RBPJ: variants seen among roughly 807,000 people sequenced by gnomAD.
RBPJ encodes recombining binding protein suppressor of hairless.
In RBPJ, 9 loss-of-function variants were observed where a neutral mutation model predicts 67.8. The ratio of observed to expected loss-of-function variants is 0.13; its 90% CI spans 0.08 to 0.23. The LOEUF (loss-of-function observed/expected upper bound fraction) is 0.23, where lower values mean the gene tolerates loss of function less well. Among genes scored for constraint, RBPJ ranks in the 10% least tolerant of loss-of-function variants. The probability of loss-of-function intolerance (pLI) is 1.00; values close to 1 mark genes in which losing one functional copy is unlikely to be tolerated. For missense variants in RBPJ, 305 were observed against 595.6 expected (o/e 0.51, Z 5.08); for synonymous variants, 198 against 203.3 (o/e 0.97, Z 0.22).
intron 1 of RBPJ, among the ~76,000 whole-genome samples, chr4:26,298,108 G>A (rs1721947433): frequency 6.6e-6 from 1 of 152,072 alleles, no homozygotes; most frequent in East Asian, 1.9e-4. Flanking sequence ...GAATGCCGTA[G>A]GCCATTTTGA....
intron 1 of RBPJ, among the ~76,000 whole-genome samples, chr4:26,169,847 C>T (rs559904356): frequency 1.3e-5 from 2 of 152,172 alleles, no homozygotes; most frequent in African/African-American, 4.8e-5. Flanking sequence ...TAGCAATCAG[C>T]GAGACTCCGT....
intron 1 of RBPJ, among the ~76,000 whole-genome samples, chr4:26,313,359 C>T (rs1327047185): frequency 6.6e-6 from 1 of 152,052 alleles, no homozygotes; most frequent in African/African-American, 2.4e-5. Flanking sequence ...GGGAGAAACG[C>T]CATCTCTACT....
chr4:26,324,550 A>G (rs1723423589), intron 1 of RBPJ, among the ~76,000 whole-genome samples: 1 of 151,946 alleles, frequency 6.6e-6, no homozygotes, highest in South Asian at 2.1e-4. Flanking sequence ...TTATTTTTTG[A>G]GACAGGGTCT....
intron 4 of RBPJ, among the ~76,000 whole-genome samples, chr4:26,416,366 A>C (rs1247835394): frequency 6.6e-6 from 1 of 152,092 alleles, no homozygotes; most frequent in Non-Finnish European, 1.5e-5. Context: ...TAGCGGGACC[A>C]TAGGTGTGTG....
At chr4:26,420,750 C>A in intron 5 of RBPJ, 25 bp downstream of exon 5, 1 of 1,542,676 alleles carries the variant, frequency 6.5e-7, no homozygotes, top group Admixed American at 2.0e-5. Flanking sequence ...CTTATTTATC[C>A]CCAACTGCCA....
the RBPJ span, among the ~76,000 whole-genome samples, chr4:26,125,672 G>T: frequency 6.6e-6 from 1 of 152,054 alleles, no homozygotes; most frequent in African/African-American, 2.4e-5. Context: ...GGTGGTGCAT[G>T]CCTGTAATCC....
chr4:26,390,952 G>A (rs1731436969), intron 2 of RBPJ, among the ~76,000 whole-genome samples: 1 of 152,274 alleles, frequency 6.6e-6, no homozygotes, highest in Admixed American at 6.5e-5. Flanking sequence ...GCTACATTGG[G>A]AAGCTGAGGC....
At chr4:26,325,050 A>G (rs1213800037) in intron 1 of RBPJ, among the ~76,000 whole-genome samples, 2 of 152,180 alleles carry the variant, frequency 1.3e-5, no homozygotes, top group Non-Finnish European at 2.9e-5. Flanking sequence ...GTAGATACGT[A>G]TTGACTGAAT....
chr4:26,361,891 A>C (rs1203603092), intron 1 of RBPJ, among the ~76,000 whole-genome samples: 1 of 152,180 alleles, frequency 6.6e-6, no homozygotes, highest in African/African-American at 2.4e-5. Flanking sequence ...CAATCAGAGA[A>C]TGGCGGTAAA....
At chr4:26,252,642 T>A (rs1029737941) in intron 1 of RBPJ, among the ~76,000 whole-genome samples, 3 of 152,144 alleles carry the variant, frequency 2.0e-5, no homozygotes, top group Non-Finnish European at 2.9e-5. Flanking sequence ...AAATCAATAA[T>A]AAATCTTAAC....
At chr4:26,372,483 AAC>A (rs1300526703) in intron 1 of RBPJ, among the ~76,000 whole-genome samples, 2 of 152,256 alleles carry the variant, frequency 1.3e-5, no homozygotes, top group African/African-American at 4.8e-5. Flanking sequence ...AATTAACTGT[AAC>A]ACAACACCTT....
At chr4:26,324,309 G>C (rs1723391878) in intron 1 of RBPJ, among the ~76,000 whole-genome samples, 1 of 151,884 alleles carries the variant, frequency 6.6e-6, no homozygotes, top group South Asian at 2.1e-4. Context: ...TTATAATATG[G>C]GTAATAAAAC....
chr4:26,244,964 C>T (rs554271468), intron 1 of RBPJ, among the ~76,000 whole-genome samples: 9 of 151,070 alleles, frequency 6.0e-5, no homozygotes, highest in Admixed American at 1.3e-4. Context: ...TTTTAAATGC[C>T]GATTGTTATT....
At chr4:26,342,265 CAAAAA>C (rs60781954) in intron 1 of RBPJ, among the ~76,000 whole-genome samples, 1 of 114,112 alleles carries the variant, frequency 8.8e-6, no homozygotes, top group Admixed American at 8.9e-5. Context: ...CCTGGGTTAT[CAAAAA>C]AAAAAAAAAA....
At chr4:26,281,822 A>G (rs563634530) in intron 1 of RBPJ, among the ~76,000 whole-genome samples, 1 of 152,342 alleles carries the variant, frequency 6.6e-6, no homozygotes, top group African/African-American at 2.4e-5. Context: ...TGGAGTTCTA[A>G]TTCCTTGAAG....
the RBPJ span, among the ~76,000 whole-genome samples, chr4:26,126,867 A>C: frequency 2.3e-3 from 350 of 152,360 alleles, 1 homozygote; most frequent in African/African-American, 8.0e-3. Context: ...GAAAAGCCTA[A>C]GAATTTAAGG....
the RBPJ span, among the ~76,000 whole-genome samples, chr4:26,134,574 A>G: frequency 6.6e-6 from 1 of 152,204 alleles, no homozygotes; most frequent in Non-Finnish European, 1.5e-5. Flanking sequence ...GAAGACCCAC[A>G]TGGGTGCTCC....
intron 1 of RBPJ, among the ~76,000 whole-genome samples, chr4:26,279,571 C>T (rs928185715): frequency 5.9e-5 from 9 of 152,254 alleles, no homozygotes; most frequent in African/African-American, 1.9e-4. Context: ...CCACCACGCC[C>T]GGCCTGTTTG....
Position 26,345,121 on chromosome 4 carries a change from C to T in RBPJ, c.20+24073C>T, listed in dbSNP as rs372349755. Among the ~76,000 whole-genome samples the T allele has an allele frequency of 3.3e-5, 5 of 152,038 alleles. No individual in the cohort carries two copies. In the South Asian group the frequency reaches 6.2e-4, roughly 19 times the overall value. On this transcript the variant is annotated intron_variant, in intron 1 of 10. Coordinates refer to ENST00000355476, the MANE Select transcript of RBPJ (RefSeq NM_015874.6). ...ATTAAAAATAACCATTTTTGTGAATCGTAGTTATTATTCATAGTCACTTTA... is the reference window on the plus strand; with the variant it reads ...ATTAAAAATAACCATTTTTGTGAATTGTAGTTATTATTCATAGTCACTTTA...
Sources: gnomAD v4.1 joint callset for allele counts (sites outside exome capture counted in the v4.1 genomes callset) on GRCh38, gnomAD v4.1.1 for gene constraint, MANE v1.5 for transcripts, NCBI Gene and HGNC (gene_info 2026-07-23, HGNC 2026-07-21) for gene names.